The following SLC30A8 variants were observed in gnomAD, a reference collection of about 807,000 sequenced individuals.
SLC30A8 encodes the protein solute carrier family 30 member 8.
A neutral mutation model predicts 36.9 loss-of-function variants in SLC30A8; 27 were observed. The ratio of observed to expected loss-of-function variants is 0.73; its 90% CI spans 0.54 to 1.01. SLC30A8 has a LOEUF of 1.01. Among genes scored for constraint, SLC30A8 ranks in the 50% least tolerant of loss-of-function variants. The pLI is 0.00. For synonymous variants in SLC30A8, 164 were observed against 172.4 expected, an observed-to-expected ratio of 0.95 and a Z score of 0.38; for missense variants, 439 against 452.0, an observed-to-expected ratio of 0.97 and a Z score of 0.26.
rs192788633 is a variant in SLC30A8 at position 116,961,288 on chromosome 8, G to T, written c.-266+10169G>T. ...ACTAAAAATACAAAAAATTAGCCGG[G>T]CGTGGTGGCAGGTGCCTGTGGTCCC... On this transcript the variant is annotated intron_variant, in intron 1 of 10. Coordinates refer to the SLC30A8 transcript ENST00000427715. 1.8e-3 allele frequency among the ~76,000 whole-genome samples: 281 copies of T among 152,200 alleles called. 1 individual carries two copies. The highest frequency in any genetic ancestry group is 3.2e-3 in the Non-Finnish European group (221 of 68,010).
At chr8:117,163,343 G>A (rs993035447) in intron 5 of SLC30A8, 82 bp from the exon 6 acceptor site, 46 of 1,030,124 alleles carry the variant, frequency 4.5e-5, no homozygotes, top group Middle Eastern at 4.2e-4. Flanking sequence ...AAGACACAGG[G>A]AGGTTTACTT....
intron 2 of SLC30A8, among the ~76,000 whole-genome samples, chr8:117,109,915 G>C (rs1016869795): frequency 6.6e-6 from 1 of 152,156 alleles, no homozygotes; most frequent in Non-Finnish European, 1.5e-5. Context: ...CTTCACAGAA[G>C]AGCCGGCTCA....
intron 2 of SLC30A8, among the ~76,000 whole-genome samples, chr8:117,082,927 C>G (rs1049901736): frequency 2.0e-5 from 3 of 152,140 alleles, no homozygotes; most frequent in African/African-American, 7.2e-5. Flanking sequence ...GAAAAGCAGG[C>G]AGAAACCAGA....
At chr8:116,977,764 C>T (rs1159558646) in intron 1 of SLC30A8, among the ~76,000 whole-genome samples, 1 of 152,064 alleles carries the variant, frequency 6.6e-6, no homozygotes, top group East Asian at 1.9e-4. Context: ...CCTGCCTCGG[C>T]CTCCCAAAGT....
chr8:117,161,797 A>G lies in SLC30A8; in HGVS notation c.632A>G (p.Asn211Ser), dbSNP rs372965000. The stretch of plus-strand genomic sequence containing the variant: ...CACAATCACAAGGAAGTACAAGCCA[A>G]TGCCAGCGTCAGAGCTGCTTTTGTG... ...LGHNHKEVQA[N>S]ASVRAAFVHA... Residue 211 changes from asparagine (N) to serine (S), a missense_variant, in exon 5 of 8, where the codon AAT becomes AGT. Transcript: ENST00000456015. The G allele has an allele frequency of 4.0e-5, 65 of 1,613,854 alleles. No homozygotes were observed. In the Middle Eastern group the frequency reaches 1.3e-3, roughly 33 times the overall value.
chr8:116,958,393 G>A (rs1814295094), intron 1 of SLC30A8, among the ~76,000 whole-genome samples: 1 of 148,536 alleles, frequency 6.7e-6, no homozygotes, highest in Non-Finnish European at 1.5e-5. Flanking sequence ...TTTAACTTTT[G>A]TATGCCTGAA....
intron 6 of SLC30A8, among the ~76,000 whole-genome samples, chr8:117,166,330 GT>G (rs1456876834): frequency 6.6e-6 from 1 of 152,090 alleles, no homozygotes; most frequent in Non-Finnish European, 1.5e-5. Flanking sequence ...TATTTACAAG[GT>G]GATTTATCAT....
At chr8:116,983,537 C>T (rs570905899) in intron 1 of SLC30A8, among the ~76,000 whole-genome samples, 1 of 152,210 alleles carries the variant, frequency 6.6e-6, no homozygotes, top group Admixed American at 6.5e-5. Flanking sequence ...GCATATGTCT[C>T]ATGTACTTTT....
intron 2 of SLC30A8, among the ~76,000 whole-genome samples, chr8:117,096,932 C>T (rs991859967): frequency 2.6e-5 from 4 of 152,050 alleles, no homozygotes; most frequent in Non-Finnish European, 5.9e-5. Flanking sequence ...ATTACTGCCA[C>T]TGGAGCTGGA....
chr8:117,074,521 G>A (rs973564744), intron 2 of SLC30A8, among the ~76,000 whole-genome samples: 2 of 152,094 alleles, frequency 1.3e-5, no homozygotes, highest in Non-Finnish European at 2.9e-5. Flanking sequence ...CGTTATTTCA[G>A]GGGGCATTGA....
At chr8:117,030,542 T>C (rs1246065265) in intron 1 of SLC30A8, among the ~76,000 whole-genome samples, 1 of 152,216 alleles carries the variant, frequency 6.6e-6, no homozygotes, top group Non-Finnish European at 1.5e-5. Context: ...TCTTCTTCTT[T>C]GTCATGCTGG....
At chr8:117,124,237 G>A (rs1354972113) in intron 2 of SLC30A8, among the ~76,000 whole-genome samples, 4 of 151,914 alleles carry the variant, frequency 2.6e-5, no homozygotes, top group Non-Finnish European at 5.9e-5. Flanking sequence ...TTAGTTATAG[G>A]GAGAGGGGAG....
At chr8:117,096,197 C>T (rs569391212) in intron 2 of SLC30A8, among the ~76,000 whole-genome samples, 8 of 152,250 alleles carry the variant, frequency 5.3e-5, no homozygotes, top group African/African-American at 1.9e-4. Flanking sequence ...AGAAGGAGAA[C>T]TCGTTTTCTC....
intron 3 of SLC30A8, among the ~76,000 whole-genome samples, chr8:117,157,332 T>G (rs1483224850): frequency 2.0e-5 from 3 of 152,202 alleles, no homozygotes; most frequent in Non-Finnish European, 4.4e-5. Flanking sequence ...TTACTCTCTG[T>G]GTCTCATTAT....
intron 3 of SLC30A8, among the ~76,000 whole-genome samples, chr8:117,156,080 C>A (rs1822468353): frequency 6.6e-6 from 1 of 151,570 alleles, no homozygotes; most frequent in Non-Finnish European, 1.5e-5. Flanking sequence ...CACTCTGTTG[C>A]CCGGGATGGA....
At chr8:117,168,976 A>C (rs78959631) in intron 6 of SLC30A8, among the ~76,000 whole-genome samples, 31 of 152,286 alleles carry the variant, frequency 2.0e-4, no homozygotes, top group Non-Finnish European at 4.1e-4. Flanking sequence ...AGGACTATTA[A>C]ATGAGATAAT....
At chr8:117,072,301 C>T (rs1213364711) in intron 2 of SLC30A8, among the ~76,000 whole-genome samples, 2 of 152,138 alleles carry the variant, frequency 1.3e-5, no homozygotes, top group Non-Finnish European at 2.9e-5. Flanking sequence ...TTTATTTGAC[C>T]ATCTAGAGTG....
chr8:116,957,561 A>C (rs190623365), intron 1 of SLC30A8, among the ~76,000 whole-genome samples: 4 of 152,060 alleles, frequency 2.6e-5, no homozygotes, highest in Non-Finnish European at 4.4e-5. Context: ...GTGAGCCACC[A>C]TGCCCTGCCT....
intron 2 of SLC30A8, among the ~76,000 whole-genome samples, chr8:117,112,864 A>C (rs1227200649): frequency 6.6e-6 from 1 of 150,456 alleles, no homozygotes; most frequent in Non-Finnish European, 1.5e-5. Context: ...TTGCGGAGTC[A>C]GCACTTTCTT....
Sources: gnomAD v4.1 joint callset for allele counts (sites outside exome capture counted in the v4.1 genomes callset) on GRCh38, gnomAD v4.1.1 for gene constraint, MANE v1.5 for transcripts, NCBI Gene and HGNC (gene_info 2026-07-23, HGNC 2026-07-21) for gene names.